ACTR3C: variants seen among roughly 807,000 people sequenced by gnomAD.
ACTR3C encodes actin related protein 3C.
A neutral mutation model predicts 26.3 loss-of-function variants in ACTR3C; 18 were observed. The ratio of observed to expected loss-of-function variants is 0.68; its 90% CI spans 0.47 to 1.01. The LOEUF is 1.01. ACTR3C is among the 50% of genes least tolerant of loss of function. ACTR3C has a pLI of 0.00. For synonymous variants in ACTR3C, 55 were observed against 94.5 expected (o/e 0.58, Z 2.42); for missense variants, 184 against 250.7 (o/e 0.73, Z 1.80).
chr7:150,159,462 G>T, the ACTR3C span, among the ~76,000 whole-genome samples: 1 of 152,120 alleles, frequency 6.6e-6, no homozygotes, highest in Admixed American at 6.5e-5. Flanking sequence ...AAGGCGGAAG[G>T]TATTTAGCTT....
At chr7:150,141,236 C>T in the ACTR3C span, among the ~76,000 whole-genome samples, 8 of 152,236 alleles carry the variant, frequency 5.3e-5, no homozygotes, top group African/African-American at 1.7e-4. Flanking sequence ...GGCTTTCCAC[C>T]TGAAATGTCT....
chr7:150,168,137 AC>A, the ACTR3C span, among the ~76,000 whole-genome samples: 1 of 150,182 alleles, frequency 6.7e-6, no homozygotes, highest in Non-Finnish European at 1.5e-5. Context: ...GGGGTCCTTG[AC>A]CCCCAGTACC....
the ACTR3C span, among the ~76,000 whole-genome samples, chr7:150,167,942 TA>T: frequency 6.6e-5 from 10 of 150,840 alleles, 1 homozygote; most frequent in Admixed American, 4.6e-4. Context: ...ACGAGTTCCA[TA>T]AAAAATATAT....
At chr7:150,291,606 T>A (rs530533072) in intron 3 of ACTR3C, among the ~76,000 whole-genome samples, 65 of 152,330 alleles carry the variant, frequency 4.3e-4, no homozygotes, top group African/African-American at 1.4e-3. Flanking sequence ...TTAAAAATCT[T>A]TTCAAACAAC....
the ACTR3C span, among the ~76,000 whole-genome samples, chr7:150,034,092 G>A: frequency 2.7e-5 from 4 of 150,662 alleles, no homozygotes; most frequent in Non-Finnish European, 5.9e-5. Flanking sequence ...CCCACCCCGC[G>A]ATGCAGGTCC....
chr7:150,039,380 T>G, the ACTR3C span, among the ~76,000 whole-genome samples: 6 of 86,162 alleles, frequency 7.0e-5, 1 homozygote, highest in Non-Finnish European at 1.1e-4. Flanking sequence ...GCGATGGGGG[T>G]CCTAAGAACC....
intron 6 of ACTR3C, among the ~76,000 whole-genome samples, chr7:150,251,872 A>G (rs1265224917): frequency 6.6e-6 from 1 of 152,122 alleles, no homozygotes; most frequent in Non-Finnish European, 1.5e-5. Flanking sequence ...AATCAACAAT[A>G]TATATTAATT....
the ACTR3C span, among the ~76,000 whole-genome samples, chr7:150,043,587 A>T: frequency 1.3e-5 from 2 of 152,222 alleles, no homozygotes; most frequent in South Asian, 2.1e-4. Flanking sequence ...CCCACTTTGT[A>T]GGCGCCAGTG....
chr7:150,168,230 T>G, the ACTR3C span, among the ~76,000 whole-genome samples: 26 of 150,930 alleles, frequency 1.7e-4, 3 homozygotes, highest in African/African-American at 6.5e-4. Flanking sequence ...TCTGTATTTA[T>G]AGCCACTCCC....
chr7:150,245,225 A>G (rs1412913378), downstream of ACTR3C: 2 of 152,390 alleles, frequency 1.3e-5, no homozygotes, highest in East Asian at 3.9e-4. Context: ...ATAGAAGATA[A>G]TTTGCCCAAG....
At chr7:150,256,301 G>A (rs1039937695) in intron 6 of ACTR3C, among the ~76,000 whole-genome samples, 1 of 152,258 alleles carries the variant, frequency 6.6e-6, no homozygotes, top group African/African-American at 2.4e-5. Flanking sequence ...TAATGGGACT[G>A]CTGGGCCGAA....
intron 1 of ACTR3C, among the ~76,000 whole-genome samples, chr7:150,305,246 G>C (rs1460501054): frequency 1.3e-5 from 2 of 152,150 alleles, no homozygotes; most frequent in Non-Finnish European, 2.9e-5. Context: ...ATTTTCATGG[G>C]TGGTTTTGAC....
At chr7:150,221,977 A>G in the ACTR3C span, among the ~76,000 whole-genome samples, 52 of 143,208 alleles carry the variant, frequency 3.6e-4, no homozygotes, top group Middle Eastern at 7.0e-3. Flanking sequence ...CAGCCTGGGC[A>G]ACAGAGAGAG....
intron 5 of ACTR3C, 101 bp downstream of exon 5, chr7:150,286,266 C>A: frequency 7.2e-7 from 1 of 1,395,488 alleles, no homozygotes; most frequent in Non-Finnish European, 9.7e-7. Flanking sequence ...ATGACGGCCA[C>A]CCTGCTCACA....
At chr7:150,037,264 A>T in the ACTR3C span, among the ~76,000 whole-genome samples, 1 of 47,682 alleles carries the variant, frequency 2.1e-5, no homozygotes, top group Non-Finnish European at 4.7e-5. Flanking sequence ...CTACTTGGAC[A>T]ACTAACACCC....
At chr7:150,310,730 C>T (rs370451358) in intron 1 of ACTR3C, among the ~76,000 whole-genome samples, 15 of 152,150 alleles carry the variant, frequency 9.9e-5, no homozygotes, top group African/African-American at 3.1e-4. Flanking sequence ...CAGGAACAGC[C>T]CACACTACTT....
the ACTR3C span, among the ~76,000 whole-genome samples, chr7:150,038,039 T>TG: frequency 1.5e-5 from 2 of 129,948 alleles, no homozygotes; most frequent in Admixed American, 1.5e-4. Context: ...CCAAGAGCCA[T>TG]GGGGGGAAGA....
chr7:149,916,931 T>C, the ACTR3C span, among the ~76,000 whole-genome samples: 1 of 152,228 alleles, frequency 6.6e-6, no homozygotes, highest in Non-Finnish European at 1.5e-5. Flanking sequence ...GAATATGTTA[T>C]AGCTCAAAAT....
At chr7:150,067,217 A>G in the ACTR3C span, among the ~76,000 whole-genome samples, 1 of 152,240 alleles carries the variant, frequency 6.6e-6, no homozygotes, top group Admixed American at 6.5e-5. Context: ...TCCTTCTTAC[A>G]TTGAATTTAA....
Sources: allele counts gnomAD v4.1 joint callset (sites outside exome capture counted in the v4.1 genomes callset), GRCh38; gene constraint gnomAD v4.1.1; transcripts MANE v1.5; gene names NCBI Gene and HGNC (gene_info 2026-07-23, HGNC 2026-07-21).